NKAIN3: variants seen among roughly 807,000 people sequenced by gnomAD.
NKAIN3 encodes sodium/potassium-transporting ATPase subunit beta-1-interacting protein 3.
NKAIN3 carries 25 observed loss-of-function variants against 30.2 expected under a neutral mutation model. The ratio of observed to expected loss-of-function variants is 0.83; its 90% CI spans 0.60 to 1.16. The LOEUF is 1.16. Ranked by LOEUF, NKAIN3 falls within the 50% of genes most tolerant of loss-of-function variation. The pLI, the probability that NKAIN3 is intolerant of heterozygous loss-of-function variation, is 0.00. For missense variants in NKAIN3, 225 were observed against 254.1 expected (o/e 0.89, Z 0.78); for synonymous variants, 91 against 89.6 (o/e 1.02, Z -0.09).
intron 4 of NKAIN3, 43 bp from the exon 5 acceptor site, chr8:62,918,410 C>G (rs532220453): frequency 6.9e-7 from 1 of 1,443,904 alleles, no homozygotes; most frequent in Admixed American, 1.7e-5. Flanking sequence ...AGTATGGAAA[C>G]TTGGCATAGA....
chr8:62,815,160 A>G (rs1448315067), intron 4 of NKAIN3, among the ~76,000 whole-genome samples: 1 of 152,114 alleles, frequency 6.6e-6, no homozygotes, highest in Non-Finnish European at 1.5e-5. Context: ...CCCTCCCAAG[A>G]CTAAACCAGG....
chr8:62,860,198 A>T (rs1014784723), intron 4 of NKAIN3, among the ~76,000 whole-genome samples: 1 of 152,218 alleles, frequency 6.6e-6, no homozygotes, highest in African/African-American at 2.4e-5. Context: ...GTGATAGGAA[A>T]GATGTGGCTT....
intron 1 of NKAIN3, among the ~76,000 whole-genome samples, chr8:62,505,044 A>C (rs1423326434): frequency 6.6e-6 from 1 of 152,202 alleles, no homozygotes; most frequent in Non-Finnish European, 1.5e-5. Flanking sequence ...CCACAAGCTA[A>C]GTCCTTTGAA....
chr8:62,739,243 C>A (rs1378356105), intron 3 of NKAIN3, among the ~76,000 whole-genome samples: 3 of 151,640 alleles, frequency 2.0e-5, no homozygotes, highest in African/African-American at 7.3e-5. Context: ...GCACACATAA[C>A]CCAGAACTTA....
At chr8:62,951,444 ATTTG>A (rs1219643703) in intron 5 of NKAIN3, among the ~76,000 whole-genome samples, 2 of 152,142 alleles carry the variant, frequency 1.3e-5, no homozygotes, top group East Asian at 1.9e-4. Context: ...AGCCTTTTAA[ATTTG>A]TTTGTTTGTT....
intron 1 of NKAIN3, among the ~76,000 whole-genome samples, chr8:62,561,353 T>C (rs1044725225): frequency 6.6e-6 from 1 of 152,226 alleles, no homozygotes; most frequent in African/African-American, 2.4e-5. Context: ...TAGAAAAGCA[T>C]GTCTACTACA....
chr8:62,805,047 C>T (rs561230325), intron 4 of NKAIN3, among the ~76,000 whole-genome samples: 43 of 152,240 alleles, frequency 2.8e-4, no homozygotes, highest in Middle Eastern at 6.8e-3. Context: ...AACTCCCATT[C>T]ACAATTGCTT....
intron 1 of NKAIN3, among the ~76,000 whole-genome samples, chr8:62,348,287 G>A (rs899649265): frequency 3.9e-5 from 6 of 152,136 alleles, no homozygotes; most frequent in South Asian, 2.1e-4. Flanking sequence ...TATTTGGTCT[G>A]TTTTGAAGGA....
intron 1 of NKAIN3, among the ~76,000 whole-genome samples, chr8:62,487,826 G>A (rs1432274943): frequency 6.6e-6 from 1 of 152,110 alleles, no homozygotes; most frequent in African/African-American, 2.4e-5. Flanking sequence ...GCTGCATTTA[G>A]ACTAGTTTCA....
chr8:62,297,297 G>T (rs1215964523), intron 1 of NKAIN3, among the ~76,000 whole-genome samples: 2 of 152,092 alleles, frequency 1.3e-5, no homozygotes, highest in African/African-American at 4.8e-5. Flanking sequence ...AAAAGCAACG[G>T]CAACAAAAGC....
intron 3 of NKAIN3, among the ~76,000 whole-genome samples, chr8:62,654,540 C>T (rs1812713124): frequency 6.6e-6 from 1 of 152,128 alleles, no homozygotes; most frequent in South Asian, 2.1e-4. Flanking sequence ...TGGTCAACTA[C>T]AGAAGATCAA....
chr8:62,325,399 T>G (rs180998265), intron 1 of NKAIN3, among the ~76,000 whole-genome samples: 3 of 152,252 alleles, frequency 2.0e-5, no homozygotes, highest in African/African-American at 7.2e-5. Flanking sequence ...GCACTTAGGT[T>G]GGTTCCATAT....
intron 3 of NKAIN3, among the ~76,000 whole-genome samples, chr8:62,592,195 C>A (rs575064862): frequency 6.6e-6 from 1 of 151,928 alleles, no homozygotes; most frequent in Admixed American, 6.6e-5. Flanking sequence ...CTAAGGTGTT[C>A]TTTTGCTGAC....
intron 1 of NKAIN3, among the ~76,000 whole-genome samples, chr8:62,479,051 A>G (rs1806613966): frequency 6.6e-6 from 1 of 151,996 alleles, no homozygotes; most frequent in African/African-American, 2.4e-5. Flanking sequence ...TCTGCTTCTC[A>G]CTGTGTGTCT....
intron 1 of NKAIN3, among the ~76,000 whole-genome samples, chr8:62,365,892 A>C (rs1816722325): frequency 6.6e-6 from 1 of 152,102 alleles, no homozygotes; most frequent in Non-Finnish European, 1.5e-5. Context: ...TTTTTTAAAA[A>C]TTTTAAGGGT....
At chr8:62,958,471 G>C (rs1382628547) in intron 6 of NKAIN3, among the ~76,000 whole-genome samples, 2 of 151,950 alleles carry the variant, frequency 1.3e-5, no homozygotes, top group African/African-American at 4.8e-5. Flanking sequence ...CCCACTCACT[G>C]ACAGCACCAC....
At chr8:62,912,157 G>C (rs183582844) in intron 4 of NKAIN3, among the ~76,000 whole-genome samples, 3 of 152,274 alleles carry the variant, frequency 2.0e-5, no homozygotes, top group Admixed American at 6.5e-5. Flanking sequence ...ACAATGGTAA[G>C]TATTTATGTA....
In NKAIN3 at chr8:62,981,456, G is replaced by A. The variant is rs1045448739; in HGVS notation, c.*16049G>A. The A allele has an allele frequency of 2.0e-5, 3 of 152,026 alleles. No individual in the cohort carries two copies. Among genetic ancestry groups the A allele is most frequent in the East Asian group, 1.9e-4 (1 of 5,190 alleles). 9.4% of individuals were successfully genotyped at this position (152,026 alleles called of 1,614,324 possible). A position where few individuals can be genotyped will look rare whatever the true frequency, so the allele number is the denominator to read the frequency against. ...TTTGAAATACCTTTACCTCCTTTGG[G>A]GGAAATCCAAACTGAAAGGAATTAA... On this transcript the variant is annotated 3_prime_UTR_variant, in exon 7 of 7. Coordinates refer to ENST00000623646, the MANE Select transcript of NKAIN3 (RefSeq NM_001304533.3).
At chr8:62,814,810 C>G (rs918241927) in intron 4 of NKAIN3, among the ~76,000 whole-genome samples, 45 of 152,066 alleles carry the variant, frequency 3.0e-4, no homozygotes, top group Admixed American at 4.6e-4. Context: ...CCTAACATCA[C>G]AATTAAAAGA....
Sources: gnomAD v4.1 joint callset for allele counts (sites outside exome capture counted in the v4.1 genomes callset) on GRCh38, gnomAD v4.1.1 for gene constraint, MANE v1.5 for transcripts, NCBI Gene and HGNC (gene_info 2026-07-23, HGNC 2026-07-21) for gene names.